XPNPEP1: variants seen among roughly 807,000 people sequenced by gnomAD.
The protein encoded by XPNPEP1 is xaa-Pro aminopeptidase 1.
In XPNPEP1, 39 loss-of-function variants were observed where a neutral mutation model predicts 92.4. The observed-to-expected ratio is 0.42, with a 90% confidence interval of 0.33 to 0.55. The LOEUF (loss-of-function observed/expected upper bound fraction) is 0.55. XPNPEP1 is among the 20% of genes least tolerant of loss of function. XPNPEP1 has a pLI of 0.08. For synonymous variants in XPNPEP1, 307 were observed against 299.4 expected, an observed-to-expected ratio of 1.03 and a Z score of -0.26; for missense variants, 654 against 856.1, an observed-to-expected ratio of 0.76 and a Z score of 2.95.
At chr10:109,873,316 TC>T (rs1847589013) in intron 16 of XPNPEP1, 50 bp downstream of exon 16, 1 of 1,604,332 alleles carries the variant, frequency 6.2e-7, no homozygotes. Flanking sequence ...AAAGCAATGC[TC>T]TTCTTAAGAA....
At chr10:109,895,358 G>A (rs796638973) in intron 3 of XPNPEP1, among the ~76,000 whole-genome samples, 3 of 152,322 alleles carry the variant, frequency 2.0e-5, no homozygotes, top group African/African-American at 7.2e-5. Flanking sequence ...GGCAAGCTTG[G>A]GAGAGATGGA....
intron 8 of XPNPEP1, chr10:109,884,404 T>C: frequency 2.3e-6 from 1 of 433,710 alleles, no homozygotes; most frequent in Non-Finnish European, 4.1e-6. Context: ...TAAAAGCTAT[T>C]AGTTGAAATC....
chr10:109,920,604 T>G (rs1320138807), intron 1 of XPNPEP1, among the ~76,000 whole-genome samples: 1 of 152,180 alleles, frequency 6.6e-6, no homozygotes, highest in Non-Finnish European at 1.5e-5. Flanking sequence ...TGGCACAATC[T>G]TAGCTTATGG....
At chr10:109,905,508 C>T (rs894384757) in intron 3 of XPNPEP1, among the ~76,000 whole-genome samples, 2 of 151,922 alleles carry the variant, frequency 1.3e-5, no homozygotes, top group African/African-American at 4.8e-5. Context: ...GTGACTGGCC[C>T]AGCAAAATCT....
rs1334515528 is a variant in XPNPEP1 at position 109,923,481 on chromosome 10, G to T, written c.-48C>A. On this transcript the variant is annotated 5_prime_UTR_variant, in exon 1 of 21. Transcript: ENST00000502935. ...CACGTCAGGGGAGCGCAGACCAGCT[G>T]ATCACCCGCGGAAGGGCCGGCGCGA... The T allele has an allele frequency of 2.9e-6, 4 of 1,358,374 alleles. No homozygotes were observed. Among genetic ancestry groups the T allele is most frequent in the Non-Finnish European group, 3.8e-6 (4 of 1,048,600 alleles). 84.1% of individuals were successfully genotyped at this position (1,358,374 alleles called of 1,614,324 possible). A position where few individuals can be genotyped will look rare whatever the true frequency, so the allele number is the denominator to read the frequency against.
At chr10:109,880,455 A>T (rs1848028918) in intron 11 of XPNPEP1, among the ~76,000 whole-genome samples, 1 of 152,158 alleles carries the variant, frequency 6.6e-6, no homozygotes, top group South Asian at 2.1e-4. Flanking sequence ...GTTCAGGTAC[A>T]ATCAGGAAGG....
Position 109,891,710 on chromosome 10 carries a change from G to A in XPNPEP1, c.415+12C>T. Reference sequence around the variant, plus strand: ...GGCCAACTAAGTTTGGGCTAGCCATGCCTGTACCCACCCATCTTCATAAGT... The same window carrying A: ...GGCCAACTAAGTTTGGGCTAGCCATACCTGTACCCACCCATCTTCATAAGT... On this transcript the variant is annotated intron_variant, in intron 5 of 20. Coordinates refer to ENST00000502935, the MANE Select transcript of XPNPEP1 (RefSeq NM_020383.4). 6.4e-7 allele frequency: 1 copy of A among 1,559,502 alleles called. No homozygotes were observed.
chr10:109,897,379 C>T (rs1849042326), intron 3 of XPNPEP1, among the ~76,000 whole-genome samples: 1 of 152,148 alleles, frequency 6.6e-6, no homozygotes, highest in Admixed American at 6.5e-5. Context: ...CTGAATTTTA[C>T]AGGACCATCC....
intron 1 of XPNPEP1, 44 bp from the exon 2 acceptor site, chr10:109,915,143 T>C (rs1210520689): frequency 3.0e-6 from 4 of 1,328,376 alleles, no homozygotes; most frequent in Admixed American, 2.2e-5. Flanking sequence ...TTGACCACAA[T>C]AAACGTGGCA....
Position 109,867,557 on chromosome 10 carries a change from T to C in XPNPEP1, c.1872+1057A>G, listed in dbSNP as rs2133341308. 1.3e-5 allele frequency among the ~76,000 whole-genome samples: 2 copies of C among 152,304 alleles called. No homozygotes were observed. The highest frequency in any genetic ancestry group is 4.8e-5 in the African/African-American group (2 of 41,572). On this transcript the variant is annotated intron_variant, in intron 20 of 20. Transcript: ENST00000502935. This position sits in a 1 kb window ranked among gnomAD's most constrained non-coding sequence, Gnocchi z 4.5. ...TGAACTGGAACAGGCAGAAGAGGCTTCTAGCTGGGAGAATCCCATTCCACA... is the reference window on the plus strand; with the variant it reads ...TGAACTGGAACAGGCAGAAGAGGCTCCTAGCTGGGAGAATCCCATTCCACA...
chr10:109,912,508 A>C (rs1187048661), intron 2 of XPNPEP1, among the ~76,000 whole-genome samples: 1 of 152,238 alleles, frequency 6.6e-6, no homozygotes, highest in Non-Finnish European at 1.5e-5. Flanking sequence ...TGAATGAGTG[A>C]GCAGCTGGAG....
At chr10:109,890,724 A>G (rs1049183006) in intron 5 of XPNPEP1, among the ~76,000 whole-genome samples, 2 of 152,274 alleles carry the variant, frequency 1.3e-5, no homozygotes, top group Middle Eastern at 3.4e-3. Flanking sequence ...ACTTAATCCA[A>G]TGCCAAGACA....
intron 5 of XPNPEP1, among the ~76,000 whole-genome samples, chr10:109,888,917 G>A (rs1389299842): frequency 6.6e-6 from 1 of 152,218 alleles, no homozygotes; most frequent in Non-Finnish European, 1.5e-5. Flanking sequence ...CACAAAGATT[G>A]TCTCCTCAGC....
At chr10:109,922,501 G>T (rs549740322) in intron 1 of XPNPEP1, among the ~76,000 whole-genome samples, 1 of 152,282 alleles carries the variant, frequency 6.6e-6, no homozygotes, top group Admixed American at 6.5e-5. Flanking sequence ...CTGTGGCAAC[G>T]GCAAATCCAG....
chr10:109,919,910 T>C (rs1400807041), intron 1 of XPNPEP1, among the ~76,000 whole-genome samples: 1 of 152,058 alleles, frequency 6.6e-6, no homozygotes, highest in African/African-American at 2.4e-5. Context: ...TGCACACCTG[T>C]AGTCCCAGCT....
rs190444623 is a variant in XPNPEP1, at chr10:109,907,881, G to A, written c.122-66C>T. ...CCAGCAATTCAACGTCCAGTTCGAA[G>A]TGGGCCACAGAGAGAAGTGCCTTCT... is the stretch of plus-strand genomic sequence containing the variant. On this transcript the variant is annotated intron_variant, in intron 2 of 20. Coordinates refer to ENST00000502935, the MANE Select transcript of XPNPEP1 (RefSeq NM_020383.4). 5,591 of 1,594,792 alleles carry A rather than the reference G, an allele frequency of 3.5e-3. 12 individuals are homozygous for A. The highest frequency in any genetic ancestry group is 4.3e-3 in the Non-Finnish European group (5,080 of 1,171,094).
chr10:109,882,519 G>A lies in XPNPEP1; in HGVS notation c.954C>T (p.Leu318=), dbSNP rs1285273430. 2 of 1,614,226 alleles carry A rather than the reference G, an allele frequency of 1.2e-6. No homozygotes were observed. Among genetic ancestry groups the A allele is most frequent in the Admixed American group, 3.3e-5 (2 of 60,026 alleles). Residue 318 remains leucine, a synonymous_variant, in exon 10 of 21, where the codon CTC becomes CTT. Transcript: ENST00000502935. ...GGGAGAGGTCAGCACACAGGGCCTT[G>A]AGCTCGCTCAGGATGGACTTGTAGG... is the stretch of plus-strand genomic sequence containing the variant. ...VHPYKSILSE[L]KALCADLSPR... is the part of the protein sequence containing the mutation.
chr10:109,878,938 T>C (rs770798510), intron 12 of XPNPEP1, among the ~76,000 whole-genome samples: 74 of 151,742 alleles, frequency 4.9e-4, no homozygotes, highest in Non-Finnish European at 6.9e-4. Context: ...TAAAAATAAT[T>C]TATATTTTTA....
chr10:109,887,559 T>G (rs535246258), intron 7 of XPNPEP1, among the ~76,000 whole-genome samples: 1 of 152,038 alleles, frequency 6.6e-6, no homozygotes. Flanking sequence ...ATCCACACAA[T>G]GGTTCAGAGA....
Sources: allele counts gnomAD v4.1 joint callset (sites outside exome capture counted in the v4.1 genomes callset), GRCh38; gene constraint gnomAD v4.1.1; non-coding constraint Gnocchi (gnomAD v3.1); transcripts MANE v1.5; gene names NCBI Gene and HGNC (gene_info 2026-07-23, HGNC 2026-07-21).